Variants in ZNF804B observed in about 807,000 individuals in gnomAD.
ZNF804B encodes the protein zinc finger 804B.
ZNF804B carries 80 observed loss-of-function variants against 101.4 expected under a neutral mutation model. That is an observed-to-expected ratio of 0.79 (90% confidence interval 0.66 to 0.95). ZNF804B has a LOEUF of 0.95. Among genes scored for constraint, ZNF804B ranks in the 40% least tolerant of loss-of-function variants. The probability of loss-of-function intolerance (pLI) is 0.00; values close to 1 mark genes in which losing one functional copy is unlikely to be tolerated. For synonymous variants in ZNF804B, 622 were observed against 558.8 expected, an observed-to-expected ratio of 1.11 and a Z score of -1.59; for missense variants, 1,673 against 1,561.9, an observed-to-expected ratio of 1.07 and a Z score of -1.20.
At chr7:88,877,916 TA>T (rs1304567048) in intron 1 of ZNF804B, among the ~76,000 whole-genome samples, 1 of 152,112 alleles carries the variant, frequency 6.6e-6, no homozygotes, top group Non-Finnish European at 1.5e-5. Context: ...ACTTCTTCCT[TA>T]CAAAAATAGA....
At chr7:89,227,860 C>T (rs755611379) in intron 2 of ZNF804B, among the ~76,000 whole-genome samples, 2 of 152,166 alleles carry the variant, frequency 1.3e-5, no homozygotes, top group Non-Finnish European at 2.9e-5. Context: ...TCCATGAGAT[C>T]TCTCAACAGG....
intron 1 of ZNF804B, among the ~76,000 whole-genome samples, chr7:89,089,357 A>G (rs1583979642): frequency 6.8e-6 from 1 of 146,452 alleles, no homozygotes; most frequent in Admixed American, 6.6e-5. Flanking sequence ...ATGTTTTCGG[A>G]AAAATTTTTT....
rs565788968 is a variant in ZNF804B, at chr7:88,792,009, C to T, written c.108+31925C>T. On this transcript the variant is annotated intron_variant, in intron 1 of 3. Coordinates refer to ENST00000333190, the MANE Select transcript of ZNF804B (RefSeq NM_181646.5). ...TCACATGTCTAGTGGATGATAGGGG[C>T]TGTTGGCTGCGACCTTAGCTGGGGA... Among the ~76,000 whole-genome samples, 7 of 152,168 alleles carry T rather than the reference C, an allele frequency of 4.6e-5. No individual in the cohort carries two copies. In the South Asian group the frequency reaches 1.2e-3, roughly 27 times the overall value.
chr7:88,983,683 T>A (rs1793722455), intron 1 of ZNF804B, among the ~76,000 whole-genome samples: 1 of 152,088 alleles, frequency 6.6e-6, no homozygotes, highest in South Asian at 2.1e-4. Flanking sequence ...CTTAATATTG[T>A]TGAGTTAAAT....
chr7:89,187,154 T>TG (rs1281066522), intron 1 of ZNF804B, among the ~76,000 whole-genome samples: 10 of 152,168 alleles, frequency 6.6e-5, no homozygotes, highest in Non-Finnish European at 1.2e-4. Context: ...TGTTGCTATG[T>TG]GGGGCTCTAC....
chr7:88,999,239 T>C lies in ZNF804B; in HGVS notation c.109-218916T>C, dbSNP rs558716844. Among the ~76,000 whole-genome samples the C allele has an allele frequency of 3.3e-5, 5 of 152,170 alleles. No individual in the cohort carries two copies. In the South Asian group the frequency reaches 1.0e-3, roughly 32 times the overall value. ...TGAAAATATTTAAATACAGCAGAAT[T>C]TAACTCAAAGTTCTATAAAAAGTAC... is the stretch of plus-strand genomic sequence containing the variant. On this transcript the variant is annotated intron_variant, in intron 1 of 3. Transcript: ENST00000333190.
At chr7:89,076,177 T>C (rs1053863550) in intron 1 of ZNF804B, among the ~76,000 whole-genome samples, 1 of 152,172 alleles carries the variant, frequency 6.6e-6, no homozygotes, top group East Asian at 1.9e-4. Context: ...GGTTTTGAAA[T>C]GTGAAGACAT....
At chr7:89,094,840 G>A (rs1035546188) in intron 1 of ZNF804B, among the ~76,000 whole-genome samples, 2 of 152,150 alleles carry the variant, frequency 1.3e-5, no homozygotes, top group Admixed American at 1.3e-4. Context: ...GTCAGGATTT[G>A]ATTCAATTAA....
At chr7:89,093,525 T>C (rs1001677882) in intron 1 of ZNF804B, among the ~76,000 whole-genome samples, 1 of 152,244 alleles carries the variant, frequency 6.6e-6, no homozygotes, top group East Asian at 1.9e-4. Context: ...TCAACAAATG[T>C]AAAGTTTCAT....
intron 1 of ZNF804B, among the ~76,000 whole-genome samples, chr7:88,764,003 A>G (rs1392642829): frequency 6.6e-6 from 1 of 152,178 alleles, no homozygotes; most frequent in Non-Finnish European, 1.5e-5. Flanking sequence ...TTCATTGAGA[A>G]CATAGTCTAT....
At position 88,969,987 on chromosome 7, in the gene ZNF804B, T is replaced by C. The variant is rs1207310730; in HGVS notation, c.108+209903T>C. On this transcript the variant is annotated intron_variant, in intron 1 of 3. Coordinates refer to ENST00000333190, the MANE Select transcript of ZNF804B (RefSeq NM_181646.5). ...AAAACCTGAAGAGGTAACACTCAACTGGTCTCTTCCTCCTTTGCTCCTTTT... is the reference window on the plus strand; with the variant it reads ...AAAACCTGAAGAGGTAACACTCAACCGGTCTCTTCCTCCTTTGCTCCTTTT... Among the ~76,000 whole-genome samples the C allele has an allele frequency of 2.0e-5, 3 of 151,494 alleles. No homozygotes were observed. The East Asian group carries it at 5.9e-4, about 30-fold the overall frequency.
At chr7:89,302,334 T>C (rs1224810856) in intron 2 of ZNF804B, among the ~76,000 whole-genome samples, 1 of 151,890 alleles carries the variant, frequency 6.6e-6, no homozygotes, top group Non-Finnish European at 1.5e-5. Context: ...TCTCCAACCC[T>C]GTCACAGCTA....
At position 89,286,974 on chromosome 7, in the gene ZNF804B, C is replaced by T. The variant is rs945629683; in HGVS notation, c.250-40370C>T. Among the ~76,000 whole-genome samples the T allele has an allele frequency of 7.2e-5, 11 of 151,984 alleles. 1 individual carries two copies. The East Asian group carries it at 1.7e-3, about 24-fold the overall frequency. ...CTCTGTCACATTGAGATAGCAATGC[C>T]GACCCCTCCTTTTCCTCCTTCTCAG... On this transcript the variant is annotated intron_variant, in intron 2 of 3. Transcript: ENST00000333190.
At chr7:89,154,048 T>A (rs925841760) in intron 1 of ZNF804B, among the ~76,000 whole-genome samples, 10 of 130,502 alleles carry the variant, frequency 7.7e-5, no homozygotes, top group Non-Finnish European at 1.2e-4. Flanking sequence ...AAAAATCTAA[T>A]AATCCAATCA....
intron 1 of ZNF804B, among the ~76,000 whole-genome samples, chr7:88,869,402 A>T (rs370239795): frequency 2.0e-5 from 3 of 152,094 alleles, no homozygotes; most frequent in East Asian, 3.9e-4. Flanking sequence ...CTCTGGGCAA[A>T]ATTAAGAAGT....
intron 1 of ZNF804B, among the ~76,000 whole-genome samples, chr7:88,904,762 G>T (rs1792443255): frequency 6.6e-6 from 1 of 152,088 alleles, no homozygotes; most frequent in South Asian, 2.1e-4. Context: ...GATATTATTG[G>T]TACGTAGAAA....
At chr7:89,110,798 A>G (rs1790204434) in intron 1 of ZNF804B, among the ~76,000 whole-genome samples, 1 of 152,192 alleles carries the variant, frequency 6.6e-6, no homozygotes, top group East Asian at 1.9e-4. Flanking sequence ...GCACAATATA[A>G]TATGTGAACC....
At chr7:88,845,348 G>A (rs889938937) in intron 1 of ZNF804B, among the ~76,000 whole-genome samples, 5 of 150,738 alleles carry the variant, frequency 3.3e-5, no homozygotes, top group South Asian at 2.1e-4. Flanking sequence ...TACAAAATAT[G>A]CCACCTCTTG....
chr7:89,245,919 C>T (rs1388272834), intron 2 of ZNF804B, among the ~76,000 whole-genome samples: 1 of 152,120 alleles, frequency 6.6e-6, no homozygotes, highest in African/African-American at 2.4e-5. Context: ...AGAGGGAGAG[C>T]CCTTTGTTTC....
Sources: gnomAD v4.1 joint callset for allele counts (sites outside exome capture counted in the v4.1 genomes callset) on GRCh38, gnomAD v4.1.1 for gene constraint, MANE v1.5 for transcripts, NCBI Gene and HGNC (gene_info 2026-07-23, HGNC 2026-07-21) for gene names.